Variants in SYNDIG1L observed in about 807,000 individuals in gnomAD.
The protein encoded by SYNDIG1L is synapse differentiation inducing 1 like, also known as synapse differentiation-inducing gene protein 1-like.
In SYNDIG1L, 13 loss-of-function variants were observed where a neutral mutation model predicts 20.1. The observed-to-expected ratio is 0.65, with a 90% confidence interval of 0.42 to 1.03. The LOEUF is 1.03. Ranked by LOEUF, SYNDIG1L falls within the 50% of genes least tolerant of loss-of-function variation. SYNDIG1L has a pLI of 0.00. For missense variants in SYNDIG1L, 294 were observed against 305.1 expected (o/e 0.96, Z 0.27); for synonymous variants, 128 against 129.3 (o/e 0.99, Z 0.07).
At chr14:74,435,044 C>T in the SYNDIG1L span, among the ~76,000 whole-genome samples, 1 of 138,336 alleles carries the variant, frequency 7.2e-6, no homozygotes. Context: ...GATCGTGCCA[C>T]TGCACTCCAG....
chr14:74,445,239 C>T, the SYNDIG1L span, among the ~76,000 whole-genome samples: 1 of 152,136 alleles, frequency 6.6e-6, no homozygotes, highest in African/African-American at 2.4e-5. Context: ...TCCTGAGGCC[C>T]TCACCAGAAG....
intron 1 of SYNDIG1L, among the ~76,000 whole-genome samples, chr14:74,417,005 T>G (rs1484589419): frequency 6.6e-6 from 1 of 152,226 alleles, no homozygotes; most frequent in East Asian, 1.9e-4. Flanking sequence ...GGTACCCTAA[T>G]GCCACTATGT....
At chr14:74,429,175 C>T (rs1247795623), upstream of SYNDIG1L, among the ~76,000 whole-genome samples, 1 of 152,148 alleles carries the variant, frequency 6.6e-6, no homozygotes, top group African/African-American at 2.4e-5. Context: ...GCAGAGCAGC[C>T]CTGGAAGCTC....
chr14:74,464,459 C>A, the SYNDIG1L span, among the ~76,000 whole-genome samples: 2 of 152,062 alleles, frequency 1.3e-5, no homozygotes, highest in Admixed American at 1.3e-4. Context: ...TCGGGTCTGG[C>A]ACAGGGTATA....
chr14:74,451,553 G>A, the SYNDIG1L span, among the ~76,000 whole-genome samples: 2 of 152,162 alleles, frequency 1.3e-5, no homozygotes, highest in Non-Finnish European at 2.9e-5. Flanking sequence ...ACAATCCATA[G>A]AAGAAAAATG....
chr14:74,419,803 C>T (rs895310871), intron 1 of SYNDIG1L, among the ~76,000 whole-genome samples: 2 of 152,152 alleles, frequency 1.3e-5, no homozygotes, highest in South Asian at 4.2e-4. Flanking sequence ...TAATAGGAAT[C>T]ATCTAGGTGA....
At chr14:74,444,984 C>G in the SYNDIG1L span, among the ~76,000 whole-genome samples, 25 of 152,122 alleles carry the variant, frequency 1.6e-4, no homozygotes, top group African/African-American at 6.0e-4. Context: ...TATTCCCTTC[C>G]AATCTCACAC....
chr14:74,453,637 G>A, the SYNDIG1L span, among the ~76,000 whole-genome samples: 1 of 151,858 alleles, frequency 6.6e-6, no homozygotes, highest in African/African-American at 2.4e-5. Context: ...TTTTAAAAAA[G>A]AAGTTAGAAA....
chr14:74,465,262 T>G, the SYNDIG1L span, among the ~76,000 whole-genome samples: 1 of 152,220 alleles, frequency 6.6e-6, no homozygotes, highest in African/African-American at 2.4e-5. Context: ...GCTGTCTTCC[T>G]GGGGACCTCT....
At chr14:74,449,610 TAA>T in the SYNDIG1L span, among the ~76,000 whole-genome samples, 4 of 124,584 alleles carry the variant, frequency 3.2e-5, no homozygotes, top group Admixed American at 8.4e-5. Context: ...GACTGTGCCT[TAA>T]AAAAAAAAAA....
the SYNDIG1L span, among the ~76,000 whole-genome samples, chr14:74,436,720 C>T: frequency 4.9e-3 from 746 of 152,030 alleles, 9 homozygotes; most frequent in African/African-American, 0.017. Flanking sequence ...CGTGGTGGGA[C>T]GCGCCTGCAA....
rs772050891 is a variant in SYNDIG1L at position 74,407,873 on chromosome 14, A to C, written c.534T>G (p.Ile178Met). 1.9e-6 allele frequency: 3 copies of C among 1,613,604 alleles called. No homozygotes were observed. Among genetic ancestry groups the C allele is most frequent in the African/African-American group, 2.7e-5 (2 of 74,916 alleles). Residue 178 changes from isoleucine to methionine, a missense_variant, in exon 3 of 4, where the codon ATT (isoleucine) becomes ATG (methionine). Ile to Met is a conservative substitution (Grantham distance 10, BLOSUM62 1). Coordinates refer to ENST00000331628, the MANE Select transcript of SYNDIG1L (RefSeq NM_001105579.2). ...SMLCCFWPLG[I>M]AAFYFSQGTS... ...CCCCCTGGGAGAAGTAGAAGGCAGC[A>C]ATGCCCAGTGGCCAGAAGCAGCAGA...
At chr14:74,418,980 T>G (rs1326298746) in intron 1 of SYNDIG1L, among the ~76,000 whole-genome samples, 1 of 152,236 alleles carries the variant, frequency 6.6e-6, no homozygotes, top group Non-Finnish European at 1.5e-5. Context: ...TGTCTGTTGT[T>G]TTAAGCCACC....
the SYNDIG1L span, among the ~76,000 whole-genome samples, chr14:74,435,333 A>G: frequency 7.4e-3 from 1,121 of 152,316 alleles, 19 homozygotes; most frequent in African/African-American, 0.025. Context: ...TTAAAGCTCA[A>G]CTGTTCCAGA....
In SYNDIG1L at chr14:74,405,903, A is replaced by AC. The variant is rs1268102848; in HGVS notation, c.*1631dup. On this transcript the variant is annotated 3_prime_UTR_variant, in exon 4 of 4. Coordinates refer to ENST00000331628, the MANE Select transcript of SYNDIG1L (RefSeq NM_001105579.2). ...AGATACCTAGAGGGCACCAGGTGTT[A>AC]CAGAAACATTTATTACAAGGATAAA... 4 of 398,646 alleles carry AC rather than the reference A, an allele frequency of 1.0e-5. No homozygotes were observed. In the Admixed American group the frequency reaches 1.3e-4, roughly 13 times the overall value. 24.7% of individuals were successfully genotyped at this position (398,646 alleles called of 1,614,324 possible).
At chr14:74,417,991 T>G (rs2139627764) in intron 1 of SYNDIG1L, among the ~76,000 whole-genome samples, 1 of 152,350 alleles carries the variant, frequency 6.6e-6, no homozygotes, top group East Asian at 1.9e-4. Context: ...ACAAGAGAGA[T>G]TGCTTTTAAA....
chr14:74,470,178 TAA>T, the SYNDIG1L span, among the ~76,000 whole-genome samples: 1 of 145,742 alleles, frequency 6.9e-6, no homozygotes, highest in African/African-American at 2.5e-5. Flanking sequence ...CTTCCCTTTT[TAA>T]AAAAAAAAAA....
At chr14:74,460,298 C>G in the SYNDIG1L span, among the ~76,000 whole-genome samples, 1 of 152,012 alleles carries the variant, frequency 6.6e-6, no homozygotes, top group Non-Finnish European at 1.5e-5. Context: ...CAGAAGACCT[C>G]GCTTTCCCTA....
upstream of SYNDIG1L, among the ~76,000 whole-genome samples, chr14:74,429,888 G>T (rs1248444433): frequency 1.3e-5 from 2 of 152,222 alleles, no homozygotes; most frequent in African/African-American, 4.8e-5. Context: ...CCCCAGCAAT[G>T]AAGTCTAGAG....
Sources: allele counts gnomAD v4.1 joint callset (sites outside exome capture counted in the v4.1 genomes callset), GRCh38; gene constraint gnomAD v4.1.1; transcripts MANE v1.5; gene names NCBI Gene and HGNC (gene_info 2026-07-23, HGNC 2026-07-21).